TTC7A: variants seen among roughly 807,000 people sequenced by gnomAD.
TTC7A encodes the protein tetratricopeptide repeat domain 7A.
A neutral mutation model predicts 103.7 loss-of-function variants in TTC7A; 110 were observed. The ratio of observed to expected loss-of-function variants is 1.06; its 90% CI spans 0.91 to 1.24. The LOEUF is 1.24. TTC7A is among the 50% of genes most tolerant of loss of function. The pLI, the probability that TTC7A is intolerant of heterozygous loss-of-function variation, is 0.00. For synonymous variants in TTC7A, 521 were observed against 467.9 expected, an observed-to-expected ratio of 1.11 and a Z score of -1.47; for missense variants, 1,340 against 1,116.3, an observed-to-expected ratio of 1.20 and a Z score of -2.86.
intron 8 of TTC7A, among the ~76,000 whole-genome samples, chr2:46,998,254 T>C (rs1253241115): frequency 6.6e-6 from 1 of 151,848 alleles, no homozygotes; most frequent in East Asian, 1.9e-4. Flanking sequence ...TGGGGGAGAG[T>C]ATTGGCAATG....
chr2:46,957,636 A>G (rs1397402000), intron 3 of TTC7A, among the ~76,000 whole-genome samples: 1 of 152,154 alleles, frequency 6.6e-6, no homozygotes, highest in African/African-American at 2.4e-5. Flanking sequence ...TGATGTAGGA[A>G]TTTTATGAGG....
intron 14 of TTC7A, among the ~76,000 whole-genome samples, chr2:47,026,562 T>A (rs927228235): frequency 1.4e-4 from 22 of 152,252 alleles, no homozygotes; most frequent in African/African-American, 5.1e-4. Context: ...AAAAAGAGAC[T>A]CATGGGGTTC....
intron 3 of TTC7A, among the ~76,000 whole-genome samples, chr2:46,959,762 G>A (rs376294370): frequency 2.0e-5 from 3 of 152,076 alleles, no homozygotes; most frequent in East Asian, 1.9e-4. Flanking sequence ...TCTGATTCCC[G>A]GGGAGGCTTT....
intron 11 of TTC7A, 114 bp downstream of exon 11, chr2:47,011,549 G>A: frequency 2.5e-6 from 2 of 801,984 alleles, no homozygotes; most frequent in Non-Finnish European, 3.9e-6. Flanking sequence ...GGAAAGGATG[G>A]GAGCTACCAG....
upstream of TTC7A, among the ~76,000 whole-genome samples, chr2:46,936,414 T>C (rs971723237): frequency 6.6e-6 from 1 of 152,148 alleles, no homozygotes; most frequent in Admixed American, 6.5e-5. Flanking sequence ...ACGTGTCTTA[T>C]TTTGTCTTTA....
chr2:47,027,114 A>T (rs1680005064), intron 14 of TTC7A, among the ~76,000 whole-genome samples: 3 of 152,044 alleles, frequency 2.0e-5, no homozygotes, highest in African/African-American at 7.2e-5. Flanking sequence ...CTCTTTCCAG[A>T]CCTGGTCACA....
At chr2:47,035,382 G>A (rs1680996093) in intron 15 of TTC7A, 1 of 152,256 alleles carries the variant, frequency 6.6e-6, no homozygotes, top group African/African-American at 2.4e-5. Flanking sequence ...AAGCCACGTG[G>A]CAGAGGGAAG....
At position 47,075,786 on chromosome 2, in the gene TTC7A, G is replaced by A. The variant is rs908332966; in HGVS notation, c.*1863G>A. 1.3e-5 allele frequency: 2 copies of A among 151,760 alleles called. No homozygotes were observed. Among genetic ancestry groups the A allele is most frequent in the African/African-American group, 4.8e-5 (2 of 41,368 alleles). The allele number at this position is 151,760 out of a possible 1,614,324, so 9.4% of individuals were successfully genotyped here. ...AGAGTGTTGCTAAGGCTGGGCTAAAGCCTGGAGAGGGTAGGAGGAGGCAAG... is the reference window on the plus strand; with the variant it reads ...AGAGTGTTGCTAAGGCTGGGCTAAAACCTGGAGAGGGTAGGAGGAGGCAAG... On this transcript the variant is annotated 3_prime_UTR_variant, in exon 20 of 20. Coordinates refer to ENST00000319190, the MANE Select transcript of TTC7A (RefSeq NM_020458.4).
At chr2:47,045,266 C>T (rs1244671704) in intron 15 of TTC7A, among the ~76,000 whole-genome samples, 1 of 152,190 alleles carries the variant, frequency 6.6e-6, no homozygotes, top group Non-Finnish European at 1.5e-5. Flanking sequence ...CTGCCTGGAC[C>T]CCTCCAGAAC....
chr2:46,986,919 C>T lies in TTC7A; in HGVS notation c.765-6531C>T, dbSNP rs529582102. 1.5e-4 allele frequency among the ~76,000 whole-genome samples: 23 copies of T among 152,206 alleles called. 1 individual carries two copies. Among genetic ancestry groups the T allele is most frequent in the Non-Finnish European group, 2.9e-5 (2 of 68,040 alleles). On this transcript the variant is annotated intron_variant, in intron 5 of 19. Coordinates refer to ENST00000319190, the MANE Select transcript of TTC7A (RefSeq NM_020458.4). ...CAGGAAAGCCTGGGCCTCCCTGTCTCTGGCTAAGCCTGAGACTGCTGCCCA... is the reference window on the plus strand; with the variant it reads ...CAGGAAAGCCTGGGCCTCCCTGTCTTTGGCTAAGCCTGAGACTGCTGCCCA...
intron 2 of TTC7A, among the ~76,000 whole-genome samples, chr2:46,922,722 C>T (rs924439613): frequency 2.0e-5 from 3 of 152,110 alleles, no homozygotes; most frequent in African/African-American, 4.8e-5. Context: ...GACATCTCTA[C>T]CAAAATGTGG....
chr2:46,978,736 T>G, intron 4 of TTC7A, 56 bp from the exon 5 acceptor site: 1 of 1,436,244 alleles, frequency 7.0e-7, no homozygotes, highest in Non-Finnish European at 9.8e-7. Context: ...TCTTGCTGAG[T>G]GACCCTCTGC....
At chr2:47,022,920 C>A (rs937139963) in intron 12 of TTC7A, among the ~76,000 whole-genome samples, 3 of 152,208 alleles carry the variant, frequency 2.0e-5, no homozygotes, top group African/African-American at 7.2e-5. Flanking sequence ...TGGGAGGGGC[C>A]TGGATGCAAT....
rs769632734 is a variant in TTC7A, at chr2:47,060,829, CG to C, written c.2216del (p.Gly739AlafsTer19). The part of the protein sequence containing the change: ...KEAGFCIQEA[A>X]GLFPTSHSVL... ...GCAGGTTTCTGCATCCAGGAGGCGG[CG>C]GGCCTCTTCCCCACTTCTCACTCAG... On this transcript the variant is annotated frameshift_variant, in exon 19 of 20. Transcript: ENST00000319190. LOFTEE classifies it high-confidence loss of function. The C allele has an allele frequency of 1.9e-6, 3 of 1,613,776 alleles. No individual in the cohort carries two copies. The highest frequency in any genetic ancestry group is 2.5e-6 in the Non-Finnish European group (3 of 1,179,732).
chr2:46,962,014 A>G (rs1216990818), intron 3 of TTC7A, among the ~76,000 whole-genome samples: 1 of 152,198 alleles, frequency 6.6e-6, no homozygotes, highest in African/African-American at 2.4e-5. Context: ...ATTTGACTCC[A>G]TGTGCTCATG....
At chr2:47,018,525 A>G (rs1334574646) in intron 11 of TTC7A, among the ~76,000 whole-genome samples, 2 of 149,906 alleles carry the variant, frequency 1.3e-5, no homozygotes, top group African/African-American at 4.9e-5. Flanking sequence ...TGAAGGTTGC[A>G]GTGAGCTGAG....
intron 5 of TTC7A, among the ~76,000 whole-genome samples, chr2:46,981,058 A>G (rs961539416): frequency 6.6e-6 from 1 of 152,090 alleles, no homozygotes; most frequent in African/African-American, 2.4e-5. Context: ...TGGCTGCTCC[A>G]TTACGTAGGC....
chr2:47,010,650 G>A (rs1558573522), intron 10 of TTC7A, among the ~76,000 whole-genome samples: 1 of 151,908 alleles, frequency 6.6e-6, no homozygotes, highest in Non-Finnish European at 1.5e-5. Context: ...GCCTTTATAC[G>A]ACCCCCAACC....
chr2:47,056,454 C>T (rs1323396583), intron 18 of TTC7A, among the ~76,000 whole-genome samples: 1 of 152,190 alleles, frequency 6.6e-6, no homozygotes, highest in Non-Finnish European at 1.5e-5. Flanking sequence ...TGGGCCCAGG[C>T]TCTCTGTACC....
Sources: allele counts gnomAD v4.1 joint callset (sites outside exome capture counted in the v4.1 genomes callset), GRCh38; gene constraint gnomAD v4.1.1; transcripts MANE v1.5; gene names NCBI Gene and HGNC (gene_info 2026-07-23, HGNC 2026-07-21).